DRC9: variants seen among roughly 807,000 people sequenced by gnomAD.
DRC9 encodes dynein regulatory complex subunit 9, also known as dynein regulatory complex protein 9.
At chr3:197,947,937 T>C in the DRC9 span, among the ~76,000 whole-genome samples, 1 of 141,566 alleles carries the variant, frequency 7.1e-6, no homozygotes, top group Admixed American at 7.0e-5. Flanking sequence ...CCTTTTTTTT[T>C]TTTTTTTTTT....
At chr3:197,922,713 A>AAAATAAAT in the DRC9 span, among the ~76,000 whole-genome samples, 6,525 of 100,908 alleles carry the variant, frequency 0.065, 158 homozygotes, top group South Asian at 0.1. Context: ...CTCAAAAATA[A>AAAATAAAT]AAATAAATAA....
At chr3:197,910,568 T>C in the DRC9 span, among the ~76,000 whole-genome samples, 1 of 152,254 alleles carries the variant, frequency 6.6e-6, no homozygotes, top group African/African-American at 2.4e-5. Context: ...AATTCTCCTC[T>C]TTAACCACAC....
the DRC9 span, among the ~76,000 whole-genome samples, chr3:197,919,051 A>G: frequency 6.6e-6 from 1 of 151,974 alleles, no homozygotes; most frequent in African/African-American, 2.4e-5. Flanking sequence ...CAGGTGATCC[A>G]CCTGCCTCGG....
chr3:197,890,541 A>G, the DRC9 span, among the ~76,000 whole-genome samples: 1 of 152,216 alleles, frequency 6.6e-6, no homozygotes, highest in Non-Finnish European at 1.5e-5. Flanking sequence ...GCTTTCTTGA[A>G]TATCTTGGTT....
chr3:197,894,038 C>T, the DRC9 span, among the ~76,000 whole-genome samples: 2 of 152,084 alleles, frequency 1.3e-5, no homozygotes, highest in East Asian at 1.9e-4. Flanking sequence ...ACCAGTAAAA[C>T]ATGTATTTAA....
the DRC9 span, among the ~76,000 whole-genome samples, chr3:197,935,786 A>C: frequency 2.6e-5 from 4 of 151,960 alleles, no homozygotes; most frequent in African/African-American, 9.7e-5. Flanking sequence ...TGCAGCCAGG[A>C]AAGTAACTTC....
the DRC9 span, among the ~76,000 whole-genome samples, chr3:197,890,843 T>C: frequency 6.6e-6 from 1 of 152,248 alleles, no homozygotes; most frequent in African/African-American, 2.4e-5. Flanking sequence ...CACCCTAATA[T>C]ACAACCCAAA....
the DRC9 span, among the ~76,000 whole-genome samples, chr3:197,924,267 G>A: frequency 4.0e-5 from 6 of 151,008 alleles, no homozygotes; most frequent in African/African-American, 1.5e-4. Flanking sequence ...GCTGAGGCAG[G>A]AGAATCGCTT....
chr3:197,920,987 T>A, the DRC9 span, among the ~76,000 whole-genome samples: 1 of 152,234 alleles, frequency 6.6e-6, no homozygotes, highest in African/African-American at 2.4e-5. Flanking sequence ...ATACTTCCTA[T>A]CTTCTTGTTT....
At chr3:197,925,843 C>T in the DRC9 span, among the ~76,000 whole-genome samples, 1 of 152,176 alleles carries the variant, frequency 6.6e-6, no homozygotes, top group African/African-American at 2.4e-5. Flanking sequence ...CTCAGCCTCC[C>T]AAAGTGCTGG....
the DRC9 span, among the ~76,000 whole-genome samples, chr3:197,936,249 A>G: frequency 6.6e-6 from 1 of 152,240 alleles, no homozygotes; most frequent in Non-Finnish European, 1.5e-5. Context: ...TATTAATTCA[A>G]TGCAATAAGA....
chr3:197,913,631 A>C, the DRC9 span: 1 of 593,470 alleles, frequency 1.7e-6, no homozygotes, highest in Non-Finnish European at 3.0e-6. Context: ...GAAGTGACCA[A>C]GGAGAGAAAG....
the DRC9 span, among the ~76,000 whole-genome samples, chr3:197,938,302 A>T: frequency 6.8e-6 from 1 of 146,704 alleles, no homozygotes; most frequent in South Asian, 2.1e-4. Context: ...TGGTGACAAG[A>T]GCGAAACTCC....
At chr3:197,909,718 T>C in the DRC9 span, among the ~76,000 whole-genome samples, 9 of 152,288 alleles carry the variant, frequency 5.9e-5, no homozygotes, top group East Asian at 1.7e-3. Context: ...CTAGGCCGGG[T>C]GCAGTGGCTC....
the DRC9 span, chr3:197,945,586 A>T: frequency 1.4e-6 from 2 of 1,444,786 alleles, no homozygotes; most frequent in South Asian, 2.4e-5. Flanking sequence ...ATTTAAATAC[A>T]TGTATACAAA....
the DRC9 span, among the ~76,000 whole-genome samples, chr3:197,917,823 C>T: frequency 1.5e-3 from 229 of 151,692 alleles, 1 homozygote; most frequent in African/African-American, 5.0e-3. Context: ...CTCTGCCTCC[C>T]GGGTTCAAGC....
chr3:197,941,425 T>A, the DRC9 span, among the ~76,000 whole-genome samples: 1 of 30,254 alleles, frequency 3.3e-5, no homozygotes. Flanking sequence ...CTCCCTCCTC[T>A]CCCATCCCCC....
At chr3:197,909,239 AG>A in the DRC9 span, among the ~76,000 whole-genome samples, 1 of 152,218 alleles carries the variant, frequency 6.6e-6, no homozygotes, top group Non-Finnish European at 1.5e-5. Context: ...TAATAGAAAA[AG>A]GATTCCCCAT....
the DRC9 span, among the ~76,000 whole-genome samples, chr3:197,899,081 C>T: frequency 2.0e-4 from 31 of 151,982 alleles, no homozygotes; most frequent in East Asian, 3.9e-4. Flanking sequence ...TCTAGGGAGA[C>T]GTAAGTTACA....
Sources: allele counts gnomAD v4.1 joint callset (sites outside exome capture counted in the v4.1 genomes callset), GRCh38; gene constraint gnomAD v4.1.1; transcripts MANE v1.5; gene names NCBI Gene and HGNC (gene_info 2026-07-23, HGNC 2026-07-21).